OTOGL: variants seen among roughly 807,000 people sequenced by gnomAD.
OTOGL encodes the protein otogelin-like protein.
Under a neutral mutation model 318.5 loss-of-function variants are expected in OTOGL, and 285 were observed. The ratio of observed to expected loss-of-function variants is 0.89; its 90% CI spans 0.81 to 0.99. OTOGL has a LOEUF of 0.99. Ranked by LOEUF, OTOGL falls within the 50% of genes least tolerant of loss-of-function variation. OTOGL has a pLI of 0.00. For synonymous variants in OTOGL, 987 were observed against 936.5 expected (o/e 1.05, Z -0.99); for missense variants, 2,899 against 2,845.6 (o/e 1.02, Z -0.43).
intron 1 of OTOGL, among the ~76,000 whole-genome samples, chr12:80,204,624 A>T (rs1876687591): frequency 6.6e-6 from 1 of 152,176 alleles, no homozygotes; most frequent in South Asian, 2.1e-4. Context: ...GTTTGGTTTT[A>T]ATAATATGGC....
At chr12:80,202,727 A>C (rs1437924065) in intron 1 of OTOGL, among the ~76,000 whole-genome samples, 1 of 152,194 alleles carries the variant, frequency 6.6e-6, no homozygotes, top group Non-Finnish European at 1.5e-5. Context: ...ACCCCTCAGC[A>C]GAAGGACATG....
intron 46 of OTOGL, 150 bp from the exon 47 acceptor site, chr12:80,355,586 G>T: frequency 1.6e-6 from 1 of 620,302 alleles, no homozygotes; most frequent in Non-Finnish European, 2.7e-6. Flanking sequence ...GTAAGTTAGT[G>T]GTGATGAAAG....
intron 29 of OTOGL, among the ~76,000 whole-genome samples, chr12:80,308,782 C>G (rs1886419014): frequency 6.6e-6 from 1 of 152,234 alleles, no homozygotes. Flanking sequence ...CCGGCCAACA[C>G]AGCGAATCCC....
chr12:80,265,694 T>A (rs981143486), intron 20 of OTOGL: 9 of 173,908 alleles, frequency 5.2e-5, no homozygotes, highest in Admixed American at 4.4e-4. Flanking sequence ...TAATTTTTTT[T>A]AATCAGCTTA....
intron 31 of OTOGL, 21 bp downstream of exon 31, chr12:80,313,653 A>G: frequency 6.3e-7 from 1 of 1,583,678 alleles, no homozygotes. Flanking sequence ...TACTTAGAAC[A>G]TCATTATGTA....
intron 1 of OTOGL, among the ~76,000 whole-genome samples, chr12:80,157,075 C>T (rs1430347774): frequency 6.6e-6 from 1 of 152,110 alleles, no homozygotes; most frequent in Admixed American, 6.5e-5. Context: ...CAAGGGTTCC[C>T]TTTTCTCCAC....
Position 80,296,905 on chromosome 12 carries a change from G to T in OTOGL, c.3007G>T (p.Val1003Phe). 6.5e-7 allele frequency: 1 copy of T among 1,543,430 alleles called. No individual in the cohort carries two copies. Among genetic ancestry groups the T allele is most frequent in the East Asian group, 2.3e-5 (1 of 43,048 alleles). The change falls in exon 27 of 59, where the codon GTT (valine) becomes TTT (phenylalanine). Residue 1003 changes from valine (V) to phenylalanine (F), a missense_variant. By Grantham distance (50) the Val-to-Phe change is conservative. Coordinates refer to ENST00000547103, the MANE Select transcript of OTOGL (RefSeq NM_001378609.3). Reference protein sequence around the residue: ...FDNDIVCSKSVLISVGDTEIY... With the variant: ...FDNDIVCSKSFLISVGDTEIY... ...CAACGATATTGTTTGTTCTAAAAGT[G>T]TTTTGATTTCAGTTGGGGACACTGA...
chr12:80,327,958 CAAAAAAAAAA>C (rs397687373), intron 35 of OTOGL, among the ~76,000 whole-genome samples: 5 of 30,946 alleles, frequency 1.6e-4, no homozygotes, highest in African/African-American at 3.7e-4. Flanking sequence ...GACTCTGTCT[CAAAAAAAAAA>C]AAAAAAAAAA....
At chr12:80,368,117 G>T in intron 54 of OTOGL, 88 bp from the exon 55 acceptor site, 3 of 955,962 alleles carry the variant, frequency 3.1e-6, no homozygotes, top group Non-Finnish European at 4.7e-6. Flanking sequence ...GAAAGAGCTT[G>T]TAGTTATGTT....
intron 1 of OTOGL, among the ~76,000 whole-genome samples, chr12:80,125,864 T>C (rs1239510829): frequency 2.0e-5 from 3 of 152,356 alleles, no homozygotes; most frequent in East Asian, 3.9e-4. Flanking sequence ...AGTTTTTATT[T>C]CTGTGGGATC....
rs746679674 is a variant in OTOGL at position 80,219,886 on chromosome 12, A to C, written c.308A>C (p.Gln103Pro). 3 of 1,587,016 alleles carry C rather than the reference A, an allele frequency of 1.9e-6. No individual in the cohort carries two copies. Among genetic ancestry groups the C allele is most frequent in the East Asian group, 4.5e-5 (2 of 44,736 alleles). The change falls in exon 6 of 59, where the codon CAG (glutamine) becomes CCG (proline). Residue 103 changes from glutamine to proline, a missense_variant. Physicochemically the swap from Gln to Pro is moderately conservative, Grantham distance 76 (BLOSUM62 -1). Coordinates refer to ENST00000547103, the MANE Select transcript of OTOGL (RefSeq NM_001378609.3). ...GGAACATGTGACTGTCAAATATTTC[A>C]GGCTCTTGGGACAAGATGCCAGATC... ...KTGTCDCQIFQALGTRCQIIP... is the reference protein window; with the variant it reads ...KTGTCDCQIFPALGTRCQIIP...
At position 80,125,457 on chromosome 12, in the gene OTOGL, T is replaced by G. The variant is rs1371275174; in HGVS notation, c.-20+25852T>G. ...CAGTTTGCCAGTATTTTATTGAGGA[T>G]TTTTGCATCGATGTTCATCAGGGAT... On this transcript the variant is annotated intron_variant, in intron 1 of 58. Coordinates refer to ENST00000547103, the MANE Select transcript of OTOGL (RefSeq NM_001378609.3). 4.6e-5 allele frequency among the ~76,000 whole-genome samples: 7 copies of G among 152,316 alleles called. No homozygotes were observed. In the South Asian group the frequency reaches 1.0e-3, roughly 23 times the overall value.
chr12:80,128,728 C>T (rs1871031097), intron 1 of OTOGL, among the ~76,000 whole-genome samples: 1 of 152,198 alleles, frequency 6.6e-6, no homozygotes, highest in South Asian at 2.1e-4. Flanking sequence ...CCTAGTCAAG[C>T]TTTGGCAATG....
intron 1 of OTOGL, among the ~76,000 whole-genome samples, chr12:80,179,779 G>A (rs1202404930): frequency 6.6e-6 from 1 of 152,168 alleles, no homozygotes; most frequent in Admixed American, 6.6e-5. Flanking sequence ...CTTGACTTGG[G>A]ACATCCTGGT....
chr12:80,129,027 G>A (rs1021647990), intron 1 of OTOGL, among the ~76,000 whole-genome samples: 18 of 152,084 alleles, frequency 1.2e-4, no homozygotes, highest in South Asian at 4.1e-4. Flanking sequence ...GCTCACGCTC[G>A]GTGCACTGCA....
At chr12:80,366,711 T>G in intron 53 of OTOGL, 74 bp downstream of exon 53, 1 of 549,416 alleles carries the variant, frequency 1.8e-6, no homozygotes, top group Non-Finnish European at 2.7e-6. Flanking sequence ...ATTAATAAGT[T>G]AAAAATCTCA....
In OTOGL at chr12:80,279,055, C is replaced by A; in HGVS notation, c.2817C>A (p.Cys939Ter). The change falls in exon 26 of 59, where the codon TGC becomes TGA. Residue 939 changes from cysteine to a stop codon, truncating the protein, a stop_gained. Coordinates refer to ENST00000547103, the MANE Select transcript of OTOGL (RefSeq NM_001378609.3). LOFTEE classifies it high-confidence loss of function. ...TCVCRRGMFN[C>*]TYYPCPAVCT... ...TTTGTCGACGAGGAATGTTCAATTGCACATATTATCCATGCCCAGCAGTGT... is the reference window on the plus strand; with the variant it reads ...TTTGTCGACGAGGAATGTTCAATTGAACATATTATCCATGCCCAGCAGTGT... The A allele has an allele frequency of 6.4e-7, 1 of 1,572,426 alleles. No individual in the cohort carries two copies. The highest frequency in any genetic ancestry group is 1.1e-5 in the South Asian group (1 of 90,418).
At chr12:80,110,204 A>G (rs1280130139) in intron 1 of OTOGL, among the ~76,000 whole-genome samples, 1 of 151,588 alleles carries the variant, frequency 6.6e-6, no homozygotes, top group East Asian at 1.9e-4. Context: ...AGTAGCTGGG[A>G]CTACAGGCGC....
intron 56 of OTOGL, among the ~76,000 whole-genome samples, chr12:80,371,037 G>T (rs1890848055): frequency 6.6e-6 from 1 of 152,034 alleles, no homozygotes; most frequent in Admixed American, 6.6e-5. Context: ...TAAACAAACA[G>T]TGAGATTTTT....
Sources: gnomAD v4.1 joint callset for allele counts (sites outside exome capture counted in the v4.1 genomes callset) on GRCh38, gnomAD v4.1.1 for gene constraint, MANE v1.5 for transcripts, NCBI Gene and HGNC (gene_info 2026-07-23, HGNC 2026-07-21) for gene names.